HDAC10: variants seen among roughly 807,000 people sequenced by gnomAD.
HDAC10 encodes the protein histone deacetylase 10.
A neutral mutation model predicts 82.3 loss-of-function variants in HDAC10; 90 were observed. That is an observed-to-expected ratio of 1.09 (90% CI 0.92 to 1.30). The LOEUF (loss-of-function observed/expected upper bound fraction) is 1.30, where lower values mean the gene tolerates loss of function less well. HDAC10 is among the 50% of genes most tolerant of loss of function. The pLI, the probability that HDAC10 is intolerant of heterozygous loss-of-function variation, is 0.00. For synonymous variants in HDAC10, 456 were observed against 391.7 expected (o/e 1.16, Z -1.94); for missense variants, 934 against 876.3 (o/e 1.07, Z -0.83).
chr22:50,246,361 C>T lies in HDAC10; in HGVS notation c.1587G>A (p.Leu529=). The T allele has an allele frequency of 6.2e-7, 1 of 1,612,512 alleles. No homozygotes were observed. Among genetic ancestry groups the T allele is most frequent in the Non-Finnish European group, 8.5e-7 (1 of 1,179,846 alleles). Reference sequence around the variant, plus strand: ...CAGCCGCCTCCTTGCCCCTGATGTTCAGCCACAGACTCCTCCTTCCAGGAC... The same window carrying T: ...CAGCCGCCTCCTTGCCCCTGATGTTTAGCCACAGACTCCTCCTTCCAGGAC... The part of the protein sequence containing the change: ...DLAHDGRSLW[L]NIRGKEAAAL... Residue 529 remains leucine (L), a synonymous_variant, in exon 17 of 20, where the codon CTG becomes CTA. Coordinates refer to ENST00000216271, the MANE Select transcript of HDAC10 (RefSeq NM_032019.6).
chr22:50,246,548 C>T, intron 16 of HDAC10, 131 bp downstream of exon 16: 7 of 1,108,804 alleles, frequency 6.3e-6, no homozygotes, highest in Non-Finnish European at 9.4e-6. Context: ...TCTCCCACAC[C>T]CCAGCTGAGG....
chr22:50,249,298 G>A lies in HDAC10; in HGVS notation c.690+30C>T, dbSNP rs777139022. On this transcript the variant is annotated intron_variant, in intron 7 of 19. Transcript: ENST00000216271. The surrounding 1 kb of genome is among the most constrained non-coding windows in gnomAD (Gnocchi z 4.4). ...GGAGGGGCCCAGGGGGAGGGGGCTG[G>A]GTGGGGACCTGGGGCTTGAGGGTGG... 2 of 1,549,430 alleles carry A rather than the reference G, an allele frequency of 1.3e-6. No homozygotes were observed. The highest frequency in any genetic ancestry group is 1.7e-6 in the Non-Finnish European group (2 of 1,146,012).
At position 50,250,902 on chromosome 22, in the gene HDAC10, G is replaced by C. The variant is rs775235829; in HGVS notation, c.63C>G (p.Pro21=). ...GCTCAGGACGCTCGATCTCGCACTC[G>C]GGGCTGGGGCAGATGAGGAGCTCAG... ...MTATRLLWDD[P]ECEIERPERL... is the part of the protein sequence containing the mutation. The change falls in exon 2 of 20, where the codon CCC becomes CCG. Residue 21 remains proline (P), a synonymous_variant. Coordinates refer to ENST00000216271, the MANE Select transcript of HDAC10 (RefSeq NM_032019.6). 4 of 1,602,792 alleles carry C rather than the reference G, an allele frequency of 2.5e-6. No homozygotes were observed. Among genetic ancestry groups the C allele is most frequent in the Non-Finnish European group, 3.4e-6 (4 of 1,174,592 alleles).
In HDAC10 at chr22:50,245,499, G is replaced by A. The variant is rs779833403; in HGVS notation, c.*8C>T. 4 of 843,056 alleles carry A rather than the reference G, an allele frequency of 4.7e-6. No individual in the cohort carries two copies. The highest frequency in any genetic ancestry group is 1.3e-5 in the South Asian group (1 of 74,696). The allele number at this position is 843,056 out of a possible 1,614,324, so 52.2% of individuals were successfully genotyped here. A position where few individuals can be genotyped will look rare whatever the true frequency, so the allele number is the denominator to read the frequency against. ...TCTGCGGTGTAAATGCTCCCACCTTGGCCGATTTCAAGCCACCAGGTGAGG... is the reference window on the plus strand; with the variant it reads ...TCTGCGGTGTAAATGCTCCCACCTTAGCCGATTTCAAGCCACCAGGTGAGG... On this transcript the variant is annotated 3_prime_UTR_variant, in exon 20 of 20. Coordinates refer to ENST00000216271, the MANE Select transcript of HDAC10 (RefSeq NM_032019.6).
chr22:50,245,346 G>A lies in HDAC10; in HGVS notation c.*161C>T. ...GAGGTGAGGTGAGGGGTGGAGCGGG[G>A]GAAGCACGGGTGGGAGAGGGCGGGG... On this transcript the variant is annotated 3_prime_UTR_variant, in exon 20 of 20. Transcript: ENST00000216271. 1 of 636,446 alleles carries A rather than the reference G, an allele frequency of 1.6e-6. No individual in the cohort carries two copies. The allele number at this position is 636,446 out of a possible 1,614,324, so 39.4% of individuals were successfully genotyped here. A position where few individuals can be genotyped will look rare whatever the true frequency, so the allele number is the denominator to read the frequency against.
At chr22:50,247,270 C>T (rs1601622122) in intron 14 of HDAC10, 7 of 342,896 alleles carry the variant, frequency 2.0e-5, no homozygotes, top group Non-Finnish European at 3.2e-5. Flanking sequence ...TCCTAAGTAA[C>T]TACAGGCACA....
rs2064990205 is a variant in HDAC10, at chr22:50,247,731, C to T, written c.1383G>A (p.Gly461=). 6.2e-7 allele frequency: 1 copy of T among 1,601,306 alleles called. No homozygotes were observed. Among genetic ancestry groups the T allele is most frequent in the Admixed American group, 1.7e-5 (1 of 59,678 alleles). ...LAREEALTAL[G]KLLYLLDGML... ...TCCCATCTAAGAGGTACAGGAGCTT[C>T]CCAAGTGCAGTGAGGGCCTCCTCCC... Residue 461 remains glycine (G), a synonymous_variant, in exon 14 of 20, where the codon GGG becomes GGA. Coordinates refer to ENST00000216271, the MANE Select transcript of HDAC10 (RefSeq NM_032019.6).
chr22:50,247,442 A>C, intron 14 of HDAC10: 1 of 437,162 alleles, frequency 2.3e-6, no homozygotes, highest in Non-Finnish European at 4.0e-6. Context: ...CTAAATGTAT[A>C]CTTTAAATCA....
rs990487667 is a variant in HDAC10, at chr22:50,248,939, C to A, written c.757-49G>T. 4 of 1,582,020 alleles carry A rather than the reference C, an allele frequency of 2.5e-6. No individual in the cohort carries two copies. The highest frequency in any genetic ancestry group is 3.4e-6 in the Non-Finnish European group (4 of 1,161,456). On this transcript the variant is annotated intron_variant, in intron 8 of 19. Coordinates refer to ENST00000216271, the MANE Select transcript of HDAC10 (RefSeq NM_032019.6). The surrounding 1 kb of genome is among the most constrained non-coding windows in gnomAD (Gnocchi z 5.4). ...AGGGTCGACAGAGAGGGGCTGGAGC[C>A]CAGGTGAGGGCGAGCCAGGCCCATC...
At position 50,248,640 on chromosome 22, in the gene HDAC10, C is replaced by T; in HGVS notation, c.906+22G>A. 6.7e-7 allele frequency: 1 copy of T among 1,484,220 alleles called. No homozygotes were observed. The highest frequency in any genetic ancestry group is 9.0e-7 in the Non-Finnish European group (1 of 1,114,950). The allele number at this position is 1,484,220 out of a possible 1,614,324, so 91.9% of individuals were successfully genotyped here. ...CCAGGCCTCTGGCCCAGAGACCCTC[C>T]CTGTGTGCCCTCCCCAGTCACCTCC... is the stretch of plus-strand genomic sequence containing the variant. On this transcript the variant is annotated intron_variant, in intron 10 of 19. Transcript: ENST00000216271. This position sits in a 1 kb window ranked among gnomAD's most constrained non-coding sequence, Gnocchi z 5.4.
In HDAC10 at chr22:50,247,936, G is replaced by A. The variant is rs1205689485; in HGVS notation, c.1291C>T (p.Gln431Ter). Residue 431 changes from glutamine to a stop codon, truncating the protein, a stop_gained, in exon 13 of 20, where the codon CAA becomes TAA. Transcript: ENST00000216271. LOFTEE classifies it high-confidence loss of function. ...TCCCTCAGGGCTGACGCTTCCTGTT[G>A]GATGACGTCAGGGGGCAGAACCAAT... ...ITLVLPPDVI[Q>*]QEASALREET... The A allele has an allele frequency of 6.2e-6, 10 of 1,612,732 alleles. No homozygotes were observed. Among genetic ancestry groups the A allele is most frequent in the Non-Finnish European group, 7.6e-6 (9 of 1,179,998 alleles).
rs771372825 is a variant in HDAC10, at chr22:50,249,475, C to T, written c.564-21G>A. The T allele has an allele frequency of 6.2e-7, 1 of 1,612,192 alleles. No individual in the cohort carries two copies. The highest frequency in any genetic ancestry group is 8.5e-7 in the Non-Finnish European group (1 of 1,179,682). ...GGACGCTGCCAACAGCCAGCCAGGG[C>T]CAGAGGTCAAAGGTCAGGACCCTCA... On this transcript the variant is annotated intron_variant, in intron 6 of 19. Coordinates refer to ENST00000216271, the MANE Select transcript of HDAC10 (RefSeq NM_032019.6). This position sits in a 1 kb window ranked among gnomAD's most constrained non-coding sequence, Gnocchi z 4.4.
In HDAC10 at chr22:50,248,338, G is replaced by T; in HGVS notation, c.1013+28C>A. Reference sequence around the variant, plus strand: ...TCGTGACACCTGGTCTCACACCCCGGCCCTGCCCGCCCTACCTCCCCTCGC... The same window carrying T: ...TCGTGACACCTGGTCTCACACCCCGTCCCTGCCCGCCCTACCTCCCCTCGC... On this transcript the variant is annotated intron_variant, in intron 11 of 19. Coordinates refer to ENST00000216271, the MANE Select transcript of HDAC10 (RefSeq NM_032019.6). This position sits in a 1 kb window ranked among gnomAD's most constrained non-coding sequence, Gnocchi z 5.4. 6.2e-7 allele frequency: 1 copy of T among 1,611,304 alleles called. No homozygotes were observed.
Position 50,248,510 on chromosome 22 carries a change from T to C in HDAC10, c.907-38A>G, listed in dbSNP as rs373118150. 4 of 1,577,118 alleles carry C rather than the reference T, an allele frequency of 2.5e-6. No individual in the cohort carries two copies. In the African/African-American group the frequency reaches 4.0e-5, roughly 16 times the overall value. The stretch of plus-strand genomic sequence containing the variant: ...TGGAGACATGATTGGGGCAGAGATA[T>C]CACTGGGATGGGATGTCACCGGGAG... On this transcript the variant is annotated intron_variant, in intron 10 of 19. Coordinates refer to ENST00000216271, the MANE Select transcript of HDAC10 (RefSeq NM_032019.6). This position sits in a 1 kb window ranked among gnomAD's most constrained non-coding sequence, Gnocchi z 5.4.
In HDAC10 at chr22:50,249,539, C is replaced by A. The variant is rs2065035728; in HGVS notation, c.564-85G>T. 6.2e-7 allele frequency: 1 copy of A among 1,604,702 alleles called. No individual in the cohort carries two copies. ...TCCCTGTAGAACGCTGACCCCTGAG[C>A]ACATGTCTGTATCTCACCCCTGGAT... On this transcript the variant is annotated intron_variant, in intron 6 of 19. Coordinates refer to ENST00000216271, the MANE Select transcript of HDAC10 (RefSeq NM_032019.6). The surrounding 1 kb of genome is among the most constrained non-coding windows in gnomAD (Gnocchi z 4.4).
In HDAC10 at chr22:50,245,779, C is replaced by T. The variant is rs1363143654; in HGVS notation, c.1882G>A (p.Glu628Lys). ...GAAGGGCCTAGGCTAGGAGGTGCCT[C>T]TCCATTCAGCACCCGGGCCAGGATC... is the stretch of plus-strand genomic sequence containing the variant. ...AGILARVLNG[E>K]APPSLGPSSV... Residue 628 changes from glutamate (E) to lysine (K), a missense_variant, in exon 19 of 20, where the codon GAG becomes AAG. Coordinates refer to ENST00000216271, the MANE Select transcript of HDAC10 (RefSeq NM_032019.6). The T allele has an allele frequency of 1.2e-6, 2 of 1,601,662 alleles. No individual in the cohort carries two copies. The highest frequency in any genetic ancestry group is 1.7e-5 in the Admixed American group (1 of 58,194).
Position 50,250,872 on chromosome 22 carries a change from C to G in HDAC10, c.93G>C (p.Leu31=), listed in dbSNP as rs2065073652. The change falls in exon 2 of 20, where the codon CTG becomes CTC. Residue 31 remains leucine, a synonymous_variant. Coordinates refer to ENST00000216271, the MANE Select transcript of HDAC10 (RefSeq NM_032019.6). Reference sequence around the variant, plus strand: ...GCCGCAGGCGATCCAGGGCTGCGGTCAGGCGCTCAGGACGCTCGATCTCGC... The same window carrying G: ...GCCGCAGGCGATCCAGGGCTGCGGTGAGGCGCTCAGGACGCTCGATCTCGC... ...PECEIERPER[L]TAALDRLRQR... The G allele has an allele frequency of 6.2e-7, 1 of 1,601,464 alleles. No homozygotes were observed. The highest frequency in any genetic ancestry group is 2.3e-5 in the East Asian group (1 of 44,098).
At chr22:50,250,944 C>A (rs780425650) in intron 1 of HDAC10, 30 bp downstream of exon 1, 1 of 1,610,366 alleles carries the variant, frequency 6.2e-7, no homozygotes, top group Non-Finnish European at 8.5e-7. Context: ...GGTCCCTCCC[C>A]GCACCCCACC....
chr22:50,248,050 A>G lies in HDAC10; in HGVS notation c.1177T>C (p.Ser393Pro). 3 of 1,610,882 alleles carry G rather than the reference A, an allele frequency of 1.9e-6. No homozygotes were observed. Among genetic ancestry groups the G allele is most frequent in the Non-Finnish European group, 2.5e-6 (3 of 1,178,900 alleles). ...TGGTCCAGGAGGGAGCTCGGTGCAG[A>G]TGCAGCTGCCTTACACACTGGACCC... is the stretch of plus-strand genomic sequence containing the variant. The part of the protein sequence containing the change: ...PGGPVCKAAA[S>P]APSSLLDQPC... Residue 393 changes from serine (S) to proline (P), a missense_variant, in exon 13 of 20, where the codon TCT (serine) becomes CCT (proline). By Grantham distance (74) the Ser-to-Pro change is moderately conservative (BLOSUM62 -1). Coordinates refer to ENST00000216271, the MANE Select transcript of HDAC10 (RefSeq NM_032019.6). The surrounding 1 kb of genome is among the most constrained non-coding windows in gnomAD (Gnocchi z 5.4).
Sources: allele counts gnomAD v4.1 joint callset, GRCh38; gene constraint gnomAD v4.1.1; non-coding constraint Gnocchi (gnomAD v3.1); transcripts MANE v1.5; gene names NCBI Gene and HGNC (gene_info 2026-07-23, HGNC 2026-07-21).